The following PALM2AKAP2 variants were observed in gnomAD, a reference collection of about 807,000 sequenced individuals.
The protein encoded by PALM2AKAP2 is PALM2 and AKAP2 fusion, also known as PALM2-AKAP2 fusion protein.
Under a neutral mutation model 71.5 loss-of-function variants are expected in PALM2AKAP2, and 37 were observed. The ratio of observed to expected loss-of-function variants is 0.52; its 90% CI spans 0.40 to 0.68. PALM2AKAP2 has a LOEUF of 0.68. PALM2AKAP2 is among the 30% of genes least tolerant of loss of function. The probability of loss-of-function intolerance (pLI) is 0.00; values close to 1 mark genes in which losing one functional copy is unlikely to be tolerated. For missense variants in PALM2AKAP2, 1,224 were observed against 1,191.8 expected (o/e 1.03, Z -0.40); for synonymous variants, 468 against 478.8 (o/e 0.98, Z 0.29).
intron 1 of PALM2AKAP2, among the ~76,000 whole-genome samples, chr9:109,718,465 T>C (rs1158866370): frequency 6.6e-6 from 1 of 152,230 alleles, no homozygotes; most frequent in Admixed American, 6.5e-5. Context: ...TTGTTTACTT[T>C]GCACTAAGTT....
intron 1 of PALM2AKAP2, among the ~76,000 whole-genome samples, chr9:110,065,628 A>G (rs1444446624): frequency 2.6e-5 from 4 of 152,214 alleles, no homozygotes; most frequent in African/African-American, 7.2e-5. Flanking sequence ...ATTATTGTGC[A>G]ACCGTCCCCA....
chr9:109,740,610 G>C (rs577788127), intron 1 of PALM2AKAP2, among the ~76,000 whole-genome samples: 1 of 152,170 alleles, frequency 6.6e-6, no homozygotes, highest in Non-Finnish European at 1.5e-5. Context: ...GTCTGGGGAG[G>C]TTGCAGGGAC....
chr9:109,956,854 C>A (rs1003481893), intron 6 of PALM2AKAP2, among the ~76,000 whole-genome samples: 5 of 152,120 alleles, frequency 3.3e-5, no homozygotes, highest in Admixed American at 2.6e-4. Context: ...ATGCCATGCC[C>A]ACTTACCCCC....
At chr9:109,986,267 C>A (rs1156296631) in intron 6 of PALM2AKAP2, among the ~76,000 whole-genome samples, 1 of 152,172 alleles carries the variant, frequency 6.6e-6, no homozygotes, top group African/African-American at 2.4e-5. Flanking sequence ...GAATGATTTT[C>A]TTACAGTTCA....
At chr9:109,967,050 C>A (rs1184742708) in intron 6 of PALM2AKAP2, among the ~76,000 whole-genome samples, 1 of 152,164 alleles carries the variant, frequency 6.6e-6, no homozygotes, top group Non-Finnish European at 1.5e-5. Flanking sequence ...TTATCTCTTG[C>A]AGTTCAGCTA....
intron 1 of PALM2AKAP2, among the ~76,000 whole-genome samples, chr9:109,675,253 G>A (rs1827632568): frequency 6.6e-6 from 1 of 152,076 alleles, no homozygotes; most frequent in South Asian, 2.1e-4. Flanking sequence ...CAAATTTGGT[G>A]GGTGAATGCA....
chr9:109,662,362 A>G (rs1197611794), intron 1 of PALM2AKAP2, among the ~76,000 whole-genome samples: 1 of 152,070 alleles, frequency 6.6e-6, no homozygotes, highest in Non-Finnish European at 1.5e-5. Flanking sequence ...GTTTTTTGAG[A>G]GTTTTTAGCC....
At chr9:109,661,427 T>TC (rs1827394233) in intron 1 of PALM2AKAP2, among the ~76,000 whole-genome samples, 1 of 152,216 alleles carries the variant, frequency 6.6e-6, no homozygotes, top group Non-Finnish European at 1.5e-5. Context: ...GGGAATCCTT[T>TC]CCCCATTGCT....
intron 5 of PALM2AKAP2, among the ~76,000 whole-genome samples, chr9:109,929,354 A>T (rs1370878456): frequency 2.0e-5 from 3 of 152,006 alleles, no homozygotes; most frequent in African/African-American, 7.3e-5. Context: ...AAGTTCTACA[A>T]ATCTGCTCTG....
intron 6 of PALM2AKAP2, among the ~76,000 whole-genome samples, chr9:109,978,551 C>G (rs1394410453): frequency 1.3e-5 from 2 of 152,310 alleles, no homozygotes; most frequent in African/African-American, 4.8e-5. Context: ...GCTACTGTCC[C>G]CATCCTCCTT....
At chr9:109,922,035 C>G (rs943745846) in intron 3 of PALM2AKAP2, among the ~76,000 whole-genome samples, 1 of 152,122 alleles carries the variant, frequency 6.6e-6, no homozygotes, top group Non-Finnish European at 1.5e-5. Context: ...ATGCCTGGAT[C>G]TTGGTGTTCC....
chr9:110,004,154 G>A (rs182075323), intron 6 of PALM2AKAP2, among the ~76,000 whole-genome samples: 25 of 152,202 alleles, frequency 1.6e-4, no homozygotes, highest in Admixed American at 1.4e-3. Flanking sequence ...ACATGTTTTC[G>A]CAGTGGCTGG....
chr9:109,809,156 G>T (rs1827661519), intron 1 of PALM2AKAP2, among the ~76,000 whole-genome samples: 1 of 152,228 alleles, frequency 6.6e-6, no homozygotes, highest in Non-Finnish European at 1.5e-5. Flanking sequence ...TAGTGGAGCT[G>T]TGAGAAGAAG....
At chr9:110,025,138 A>G (rs2132387450) in intron 7 of PALM2AKAP2, 1 of 1,314,594 alleles carries the variant, frequency 7.6e-7, no homozygotes, top group Non-Finnish European at 1.1e-6. Flanking sequence ...TTTGTTTACA[A>G]TACCAACAGC....
At chr9:110,056,586 C>A (rs1180278023) in intron 1 of PALM2AKAP2, among the ~76,000 whole-genome samples, 1 of 152,128 alleles carries the variant, frequency 6.6e-6, no homozygotes, top group African/African-American at 2.4e-5. Flanking sequence ...TATTTTGCAT[C>A]AGAACATTTT....
rs554177992 is a variant in PALM2AKAP2 at position 109,973,515 on chromosome 9, T to C, written c.496+41487T>C. Among the ~76,000 whole-genome samples, 90 of 152,348 alleles carry C rather than the reference T, an allele frequency of 5.9e-4. 1 individual carries two copies. The South Asian group carries it at 0.016, about 26-fold the overall frequency. ...GCTTGGATGTGGCACGTGTAGCTTA[T>C]ATTCCATTGGCCAAGGCAAGTCACA... is the stretch of plus-strand genomic sequence containing the variant. On this transcript the variant is annotated intron_variant, in intron 6 of 9. Coordinates refer to the PALM2AKAP2 transcript ENST00000302798.
At chr9:109,908,810 A>G (rs1271513923) in intron 3 of PALM2AKAP2, among the ~76,000 whole-genome samples, 75 of 26,174 alleles carry the variant, frequency 2.9e-3, no homozygotes, top group African/African-American at 0.014. Context: ...ATGCGTGTGC[A>G]CACACACACA....
chr9:109,705,737 C>T (rs1176147324), intron 1 of PALM2AKAP2, among the ~76,000 whole-genome samples: 1 of 152,198 alleles, frequency 6.6e-6, no homozygotes, highest in Non-Finnish European at 1.5e-5. Context: ...AGTCAGACTA[C>T]TTGGGTTTGA....
chr9:110,132,464 G>A (rs1835756436), intron 1 of PALM2AKAP2, among the ~76,000 whole-genome samples: 1 of 151,700 alleles, frequency 6.6e-6, no homozygotes, highest in Admixed American at 6.6e-5. Flanking sequence ...CAAATAGCTA[G>A]GATTACAGGT....
Sources: gnomAD v4.1 joint callset for allele counts (sites outside exome capture counted in the v4.1 genomes callset) on GRCh38, gnomAD v4.1.1 for gene constraint, MANE v1.5 for transcripts, NCBI Gene and HGNC (gene_info 2026-07-23, HGNC 2026-07-21) for gene names.